Variants in SNW1 observed in about 807,000 individuals in gnomAD.
SNW1 encodes the protein SNW domain-containing protein 1.
A neutral mutation model predicts 75.6 loss-of-function variants in SNW1; 9 were observed. The observed-to-expected ratio is 0.12, with a 90% confidence interval of 0.07 to 0.21. The LOEUF is 0.21. Among genes scored for constraint, SNW1 ranks in the 10% least tolerant of loss-of-function variants. The pLI, the probability that SNW1 is intolerant of heterozygous loss-of-function variation, is 1.00. For synonymous variants in SNW1, 200 were observed against 219.1 expected (o/e 0.91, Z 0.77); for missense variants, 409 against 670.9 (o/e 0.61, Z 4.31).
At chr14:77,720,515 G>A (rs1346084326) in intron 12 of SNW1, 196 bp downstream of exon 12, 4 of 721,808 alleles carry the variant, frequency 5.5e-6, no homozygotes, top group Non-Finnish European at 1.0e-5. Context: ...TCTTCTCCTA[G>A]TGTCTCAAAT....
chr14:77,749,352 T>A (rs1175758914), intron 3 of SNW1, among the ~76,000 whole-genome samples: 4 of 151,306 alleles, frequency 2.6e-5, no homozygotes, highest in Non-Finnish European at 5.9e-5. Context: ...AATTGAAGAG[T>A]GAAAGGAAAG....
intron 3 of SNW1, among the ~76,000 whole-genome samples, chr14:77,750,208 CAA>C (rs2080796527): frequency 6.6e-6 from 1 of 151,756 alleles, no homozygotes; most frequent in Admixed American, 6.6e-5. Flanking sequence ...CTCAAAAAAA[CAA>C]ATAAAAAATA....
intron 2 of SNW1, among the ~76,000 whole-genome samples, chr14:77,754,757 T>C (rs564772402): frequency 1.9e-3 from 291 of 152,304 alleles, no homozygotes; most frequent in African/African-American, 6.7e-3. Flanking sequence ...ATGGTACAGT[T>C]CTCTAGTGAC....
intron 12 of SNW1, among the ~76,000 whole-genome samples, chr14:77,718,994 C>G (rs2080514763): frequency 6.6e-6 from 1 of 152,152 alleles, no homozygotes; most frequent in South Asian, 2.1e-4. Flanking sequence ...CTCACTGGAG[C>G]TGTGACCTCC....
intron 6 of SNW1, 73 bp from the exon 7 acceptor site, chr14:77,736,079 C>G (rs2080668959): frequency 9.4e-7 from 1 of 1,065,042 alleles, no homozygotes; most frequent in Non-Finnish European, 1.4e-6. Flanking sequence ...GTCTCTCCTC[C>G]TTTTTCTTGC....
chr14:77,737,701 T>C (rs1240971040), intron 5 of SNW1, among the ~76,000 whole-genome samples: 1 of 151,996 alleles, frequency 6.6e-6, no homozygotes, highest in African/African-American at 2.4e-5. Flanking sequence ...AATTTGAAAA[T>C]AGCATAGGGC....
chr14:77,737,078 G>GCTTTCTTCAGATAC lies in SNW1; in HGVS notation c.534-4_534-3insGTATCTGAAGAAAG. 6.2e-7 allele frequency: 1 copy of GCTTTCTTCAGATAC among 1,605,670 alleles called. No homozygotes were observed. The highest frequency in any genetic ancestry group is 8.5e-7 in the Non-Finnish European group (1 of 1,172,740). On this transcript the variant is annotated splice_region_variant and splice_polypyrimidine_tract_variant and intron_variant, in intron 5 of 13. Transcript: ENST00000261531. ...CTCCTTGCTGAGATGGTGTGTATCTGAAGAAAGCAGATAAAAACTAAAGGT... is the reference window on the plus strand; with the variant it reads ...CTCCTTGCTGAGATGGTGTGTATCTGCTTTCTTCAGATACAAGAAAGCAGATAAAAACTAAAGGT...
chr14:77,720,868 TAGA>T (rs1297945406), intron 11 of SNW1, 40 bp from the exon 12 acceptor site: 5 of 1,256,110 alleles, frequency 4.0e-6, no homozygotes, highest in Non-Finnish European at 5.8e-6. Context: ...AAACTCTTTA[TAGA>T]CAAGCTGAAT....
At chr14:77,739,122 G>T in intron 3 of SNW1, 61 bp from the exon 4 acceptor site, 1 of 1,223,432 alleles carries the variant, frequency 8.2e-7, no homozygotes, top group Non-Finnish European at 1.2e-6. Context: ...AACCTCATTA[G>T]CCATTTCAGA....
chr14:77,730,920 A>T, intron 10 of SNW1, 68 bp downstream of exon 10: 1 of 1,547,562 alleles, frequency 6.5e-7, no homozygotes, highest in South Asian at 1.2e-5. Flanking sequence ...AGTAGGAAAA[A>T]GATTTTCTAA....
intron 9 of SNW1, 30 bp downstream of exon 9, chr14:77,732,455 A>T: frequency 8.6e-7 from 1 of 1,160,692 alleles, no homozygotes; most frequent in Non-Finnish European, 1.3e-6. Context: ...AAAAGTAACA[A>T]GAGCATTAAA....
intron 8 of SNW1, among the ~76,000 whole-genome samples, chr14:77,734,357 A>C (rs2080652831): frequency 6.6e-6 from 1 of 152,178 alleles, no homozygotes; most frequent in African/African-American, 2.4e-5. Flanking sequence ...TATAAATTTG[A>C]GTTTTCTAAA....
intron 3 of SNW1, among the ~76,000 whole-genome samples, chr14:77,748,453 A>G (rs2080781679): frequency 6.6e-6 from 1 of 152,106 alleles, no homozygotes; most frequent in African/African-American, 2.4e-5. Flanking sequence ...TTAGGAAAAA[A>G]AAATTTGGAA....
intron 1 of SNW1, among the ~76,000 whole-genome samples, chr14:77,760,298 A>G (rs1397223014): frequency 6.6e-6 from 1 of 152,182 alleles, no homozygotes; most frequent in African/African-American, 2.4e-5. Context: ...AAAGAGCTCA[A>G]GCTGATGTCC....
In SNW1 at chr14:77,717,909, A is replaced by C; in HGVS notation, c.*179T>G. 3.4e-6 allele frequency: 2 copies of C among 591,024 alleles called. No individual in the cohort carries two copies. Among genetic ancestry groups the C allele is most frequent in the Non-Finnish European group, 5.8e-6 (2 of 347,620 alleles). The allele number at this position is 591,024 out of a possible 1,614,324, so 36.6% of individuals were successfully genotyped here. On this transcript the variant is annotated 3_prime_UTR_variant, in exon 14 of 14. Transcript: ENST00000261531. ...CAAACACAACCCACTCTTTAAAAAA[A>C]ACTAAATAATTCAAAGTAGAATTTT...
At chr14:77,740,086 A>G (rs1000497842) in intron 3 of SNW1, among the ~76,000 whole-genome samples, 6 of 144,788 alleles carry the variant, frequency 4.1e-5, no homozygotes, top group Admixed American at 2.8e-4. Flanking sequence ...GTAAGCCAAG[A>G]TTGCGTCACT....
intron 2 of SNW1, among the ~76,000 whole-genome samples, chr14:77,752,437 TA>T (rs898278240): frequency 3.9e-5 from 6 of 152,198 alleles, no homozygotes; most frequent in South Asian, 2.1e-4. Context: ...TTTAAGTAGT[TA>T]AAAAAAATTC....
At chr14:77,761,012 G>A in intron 1 of SNW1, 102 bp downstream of exon 1, 2 of 1,613,814 alleles carry the variant, frequency 1.2e-6, no homozygotes, top group Middle Eastern at 1.6e-4. Context: ...ACGTCATTCT[G>A]TGCCCCGGGT....
Position 77,723,170 on chromosome 14 carries a change from A to G in SNW1, c.1130+11T>C. 1 of 1,609,762 alleles carries G rather than the reference A, an allele frequency of 6.2e-7. No individual in the cohort carries two copies. Among genetic ancestry groups the G allele is most frequent in the Admixed American group, 1.7e-5 (1 of 59,994 alleles). On this transcript the variant is annotated intron_variant, in intron 11 of 13. Transcript: ENST00000261531. The stretch of plus-strand genomic sequence containing the variant: ...CCACCATGATTGGTACACATCTTAA[A>G]TAACACCTACCTCTTATCAGGAGCT...
Sources: gnomAD v4.1 joint callset for allele counts (sites outside exome capture counted in the v4.1 genomes callset) on GRCh38, gnomAD v4.1.1 for gene constraint, MANE v1.5 for transcripts, NCBI Gene and HGNC (gene_info 2026-07-23, HGNC 2026-07-21) for gene names.